Variants in FAM120B observed in about 807,000 individuals in gnomAD.
The protein encoded by FAM120B is constitutive coactivator of peroxisome proliferator-activated receptor gamma.
A neutral mutation model predicts 96.3 loss-of-function variants in FAM120B; 83 were observed. The observed-to-expected ratio is 0.86, with a 90% CI of 0.72 to 1.03. FAM120B has a LOEUF of 1.03. Among genes scored for constraint, FAM120B ranks in the 50% least tolerant of loss-of-function variants. FAM120B has a pLI of 0.00. For missense variants in FAM120B, 1,027 were observed against 1,121.2 expected, an observed-to-expected ratio of 0.92 and a Z score of 1.20; for synonymous variants, 407 against 402.7, an observed-to-expected ratio of 1.01 and a Z score of -0.13.
At chr6:170,291,065 G>T, upstream of FAM120B, 2 of 701,566 alleles carry the variant, frequency 2.9e-6, no homozygotes, top group Non-Finnish European at 5.2e-6. Flanking sequence ...TCAATGGATC[G>T]CCAAATGGTC....
chr6:170,323,660 A>G (rs560046581), intron 3 of FAM120B, among the ~76,000 whole-genome samples: 1 of 152,334 alleles, frequency 6.6e-6, no homozygotes, highest in Admixed American at 6.5e-5. Context: ...TTTTTATAAA[A>G]TAATTTTACA....
At chr6:170,393,659 G>A (rs1790584864) in intron 8 of FAM120B, among the ~76,000 whole-genome samples, 1 of 152,146 alleles carries the variant, frequency 6.6e-6, no homozygotes, top group Non-Finnish European at 1.5e-5. Context: ...TCCAACTTAA[G>A]GTTCTATGGT....
intron 3 of FAM120B, among the ~76,000 whole-genome samples, chr6:170,329,995 C>G (rs780799987): frequency 9.9e-5 from 15 of 152,162 alleles, no homozygotes; most frequent in Non-Finnish European, 2.1e-4. Context: ...CCTTAAGCAC[C>G]TGTTCTCTGC....
chr6:170,395,764 G>C lies in FAM120B; in HGVS notation c.2692+185G>C, dbSNP rs148392325. ...GAAATAAAGACAAATAATTTCCATG[G>C]TTGATGCTAGCCCTGTCTGCATCTG... On this transcript the variant is annotated intron_variant, in intron 9 of 10. Coordinates refer to ENST00000476287, the MANE Select transcript of FAM120B (RefSeq NM_032448.3). Among the ~76,000 whole-genome samples, 343 of 152,236 alleles carry C rather than the reference G, an allele frequency of 2.3e-3. 2 individuals are homozygous for C. The highest frequency in any genetic ancestry group is 0.014 in the Middle Eastern group (4 of 294).
chr6:170,320,106 A>G (rs1785190588), intron 2 of FAM120B, among the ~76,000 whole-genome samples: 1 of 152,196 alleles, frequency 6.6e-6, no homozygotes, highest in Non-Finnish European at 1.5e-5. Context: ...TCTCAAAGGT[A>G]CCTCAGCAAG....
upstream of FAM120B, among the ~76,000 whole-genome samples, chr6:170,294,156 T>C (rs566089368): frequency 1.5e-4 from 23 of 152,302 alleles, no homozygotes; most frequent in African/African-American, 5.5e-4. This position sits in a 1 kb window ranked among gnomAD's most constrained non-coding sequence, Gnocchi z 7.9. Context: ...CAGGGTATGT[T>C]AAATAGGCTT....
upstream of FAM120B, among the ~76,000 whole-genome samples, chr6:170,302,835 G>C (rs773844856): frequency 1.9e-4 from 29 of 152,332 alleles, no homozygotes; most frequent in Non-Finnish European, 4.0e-4. Context: ...GCAGGATGTG[G>C]ATAATCCTAC....
intron 6 of FAM120B, among the ~76,000 whole-genome samples, chr6:170,387,043 G>C (rs960366138): frequency 6.6e-6 from 1 of 152,172 alleles, no homozygotes; most frequent in African/African-American, 2.4e-5. Context: ...TCACCTTCAG[G>C]CTTCTGTAGG....
At chr6:170,396,447 T>C (rs1468032706) in intron 9 of FAM120B, among the ~76,000 whole-genome samples, 1 of 152,216 alleles carries the variant, frequency 6.6e-6, no homozygotes, top group Non-Finnish European at 1.5e-5. Context: ...GAATTGATGG[T>C]GAATGTTTTT....
chr6:170,379,545 C>T lies in FAM120B; in HGVS notation c.2284-8742C>T, dbSNP rs113869009. On this transcript the variant is annotated intron_variant, in intron 6 of 10. Transcript: ENST00000476287. ...AGCTCCAGTGAGTATTTTGTTTCAG[C>T]GTCATGTCAGTGTTCAAAAAGTTTT... 6.2e-4 allele frequency among the ~76,000 whole-genome samples: 94 copies of T among 152,250 alleles called. 1 individual carries two copies. Among genetic ancestry groups the T allele is most frequent in the Admixed American group, 2.1e-3 (32 of 15,294 alleles).
At chr6:170,397,077 G>C (rs1778215435) in intron 9 of FAM120B, among the ~76,000 whole-genome samples, 1 of 152,216 alleles carries the variant, frequency 6.6e-6, no homozygotes, top group South Asian at 2.1e-4. Context: ...CCTGTCCTGG[G>C]GGCTCCCCGT....
chr6:170,392,503 GCTGCTTTGTCTGT>G (rs1324195436), intron 8 of FAM120B, among the ~76,000 whole-genome samples: 1 of 152,234 alleles, frequency 6.6e-6, no homozygotes, highest in African/African-American at 2.4e-5. Context: ...TTGATTGAAT[GCTGCTTTGTCTGT>G]CAGTGAAGTT....
chr6:170,375,081 C>T (rs2115263976), intron 6 of FAM120B, among the ~76,000 whole-genome samples: 1 of 152,338 alleles, frequency 6.6e-6, no homozygotes, highest in African/African-American at 2.4e-5. Flanking sequence ...GGTGAGAGAG[C>T]TGGGGCTTCC....
At position 170,329,980 on chromosome 6, in the gene FAM120B, T is replaced by TTCCCC. The variant is rs1225442731; in HGVS notation, c.1916-468_1916-464dup. ...TCTAGGGACACCACCTCTTCTTCCC[T>TTCCCC]TCCCCCTTAAGCACCTGTTCTCTGC... On this transcript the variant is annotated intron_variant, in intron 3 of 10. Transcript: ENST00000476287. Among the ~76,000 whole-genome samples the TTCCCC allele has an allele frequency of 3.3e-5, 5 of 152,306 alleles. No homozygotes were observed. The East Asian group carries it at 7.7e-4, about 24-fold the overall frequency.
chr6:170,296,477 G>A (rs2344745), intron 1 of FAM120B, among the ~76,000 whole-genome samples: 1,766 of 151,906 alleles, frequency 0.012, 36 homozygotes, highest in African/African-American at 0.04. Flanking sequence ...CCTCCCGGTG[G>A]ACCCCAGTCG....
rs539446354 is a variant in FAM120B at position 170,378,798 on chromosome 6, G to A, written c.2284-9489G>A. Among the ~76,000 whole-genome samples the A allele has an allele frequency of 8.5e-5, 13 of 152,338 alleles. 1 individual carries two copies. The Middle Eastern group carries it at 0.014, about 159-fold the overall frequency. ...GGCTGCACCTGAGCCCCGAGCTTCCGGTTGTGGGCAGGGTGGGCTGCACCT... is the reference window on the plus strand; with the variant it reads ...GGCTGCACCTGAGCCCCGAGCTTCCAGTTGTGGGCAGGGTGGGCTGCACCT... On this transcript the variant is annotated intron_variant, in intron 6 of 10. Transcript: ENST00000476287.
intron 6 of FAM120B, among the ~76,000 whole-genome samples, chr6:170,361,505 C>T (rs923946429): frequency 2.6e-5 from 4 of 151,964 alleles, no homozygotes; most frequent in African/African-American, 7.3e-5. Flanking sequence ...TAGTTGTGCA[C>T]GTGACGGGAG....
chr6:170,292,685 G>A (rs1583160386), upstream of FAM120B, among the ~76,000 whole-genome samples: 1 of 152,244 alleles, frequency 6.6e-6, no homozygotes, highest in African/African-American at 2.4e-5. The surrounding 1 kb of genome is among the most constrained non-coding windows in gnomAD (Gnocchi z 6.6). Flanking sequence ...AGGTCACGTG[G>A]TGAAGTCGTC....
intron 1 of FAM120B, among the ~76,000 whole-genome samples, chr6:170,299,845 C>G (rs758840416): frequency 6.6e-6 from 1 of 152,212 alleles, no homozygotes; most frequent in Non-Finnish European, 1.5e-5. Flanking sequence ...CTCCTTCTTT[C>G]TGCTCTGACA....
Sources: gnomAD v4.1 joint callset for allele counts (sites outside exome capture counted in the v4.1 genomes callset) on GRCh38, gnomAD v4.1.1 for gene constraint, Gnocchi (gnomAD v3.1) non-coding constraint, MANE v1.5 for transcripts, NCBI Gene and HGNC (gene_info 2026-07-23, HGNC 2026-07-21) for gene names.